The following VILL variants were observed in gnomAD, a reference collection of about 807,000 sequenced individuals.
VILL encodes the protein villin-like protein.
Under a neutral mutation model 106.3 loss-of-function variants are expected in VILL, and 102 were observed. The observed-to-expected ratio is 0.96, with a 90% CI of 0.82 to 1.13. The LOEUF is 1.13. Among genes scored for constraint, VILL ranks in the 50% most tolerant of loss-of-function variants. VILL has a pLI of 0.00. For missense variants in VILL, 1,076 were observed against 1,116.6 expected, an observed-to-expected ratio of 0.96 and a Z score of 0.52; for synonymous variants, 431 against 440.3, an observed-to-expected ratio of 0.98 and a Z score of 0.27.
chr3:37,997,174 C>T lies in VILL; in HGVS notation c.548C>T (p.Ser183Phe). The T allele has an allele frequency of 6.2e-7, 1 of 1,614,146 alleles. No homozygotes were observed. The highest frequency in any genetic ancestry group is 8.5e-7 in the Non-Finnish European group (1 of 1,180,018). Residue 183 changes from serine (S) to phenylalanine (F), a missense_variant, in exon 6 of 20, where the codon TCT (serine) becomes TTT (phenylalanine). Coordinates refer to ENST00000383759, the MANE Select transcript of VILL (RefSeq NM_015873.4). This position sits in a 1 kb window ranked among gnomAD's most constrained non-coding sequence, Gnocchi z 4.7. ...IQWNGPKTSI[S>F]EKARGLALTY... is the part of the protein sequence containing the mutation. ...TGGAATGGGCCCAAGACCAGCATTTCTGAGAAGGCTCGGGTCAGTGTCTGC... is the reference window on the plus strand; with the variant it reads ...TGGAATGGGCCCAAGACCAGCATTTTTGAGAAGGCTCGGGTCAGTGTCTGC...
At chr3:37,993,555 C>T (rs1467974165) in intron 1 of VILL, 32 bp from the exon 2 acceptor site, 11 of 850,602 alleles carry the variant, frequency 1.3e-5, no homozygotes, top group Non-Finnish European at 2.0e-5. Context: ...TTTACAGAGC[C>T]CTCCTAATAA....
chr3:38,001,302 G>T, intron 11 of VILL, 154 bp from the exon 12 acceptor site: 1 of 1,147,044 alleles, frequency 8.7e-7, no homozygotes, highest in African/African-American at 1.6e-5. Flanking sequence ...CCCAGCACAA[G>T]GCCCAGAATG....
chr3:37,988,142 G>A (rs1454953239), upstream of VILL: 1 of 152,314 alleles, frequency 6.6e-6, no homozygotes, highest in Non-Finnish European at 1.5e-5. Flanking sequence ...AATATAGAGA[G>A]TGGGGCTTCC....
chr3:38,001,971 C>A (rs1699826513), intron 13 of VILL, 111 bp downstream of exon 13: 1 of 1,512,488 alleles, frequency 6.6e-7, no homozygotes, highest in African/African-American at 1.4e-5. Context: ...TGCTTATCAT[C>A]CCCTAGTTTC....
rs2125641588 is a variant in VILL, at chr3:37,990,874, C to G, written c.-87+45C>G. The G allele has an allele frequency of 6.6e-6, 1 of 152,662 alleles. No homozygotes were observed. The highest frequency in any genetic ancestry group is 1.5e-5 in the Non-Finnish European group (1 of 68,316). 9.5% of individuals were successfully genotyped at this position (152,662 alleles called of 1,614,324 possible). A position where few individuals can be genotyped will look rare whatever the true frequency, so the allele number is the denominator to read the frequency against. ...TGGGGGGCGGGGGTTTCCAGGGAAC[C>G]AGTGGGGCAGAGTGGGCTATTCAAG... On this transcript the variant is annotated intron_variant, in intron 1 of 19. Transcript: ENST00000383759. The surrounding 1 kb of genome is among the most constrained non-coding windows in gnomAD (Gnocchi z 5.1).
upstream of VILL, among the ~76,000 whole-genome samples, chr3:37,990,400 A>G (rs551196022): frequency 1.3e-5 from 2 of 152,220 alleles, no homozygotes; most frequent in African/African-American, 2.4e-5. The surrounding 1 kb of genome is among the most constrained non-coding windows in gnomAD (Gnocchi z 5.1). Context: ...ACTTCCTCCT[A>G]AAGTTTGCTG....
Position 37,994,363 on chromosome 3 carries a change from C to T in VILL, c.238C>T (p.Gln80Ter). Reference protein sequence around the residue: ...AEAQGAAEAFQQRLQDELGGQ... With the variant: ...AEAQGAAEAF ...AGCGCAGGGCGCTGCGGAGGCCTTC[C>T]AGCAGCGCCTACAGGACGAGCTGGG... Residue 80 changes from glutamine to a stop codon, truncating the protein, a stop_gained, in exon 4 of 20, where the codon CAG becomes TAG. Transcript: ENST00000383759. LOFTEE classifies it high-confidence loss of function. The T allele has an allele frequency of 6.2e-7, 1 of 1,611,974 alleles. No homozygotes were observed. Among genetic ancestry groups the T allele is most frequent in the South Asian group, 1.1e-5 (1 of 91,054 alleles).
At chr3:38,002,935 C>G in intron 14 of VILL, 1 of 558,360 alleles carries the variant, frequency 1.8e-6, no homozygotes, top group Non-Finnish European at 3.1e-6. Flanking sequence ...GCCTGGGGGC[C>G]TCCTATCCCA....
Position 37,995,775 on chromosome 3 carries a change from T to C in VILL, c.378T>C (p.His126=), listed in dbSNP as rs1223110177. 1 of 1,613,908 alleles carries C rather than the reference T, an allele frequency of 6.2e-7. No homozygotes were observed. The highest frequency in any genetic ancestry group is 8.5e-7 in the Non-Finnish European group (1 of 1,179,922). Residue 126 remains histidine (H), a synonymous_variant, in exon 5 of 20, where the codon CAT becomes CAC. Transcript: ENST00000383759. ...RKGGLASDLK[H]VETNLFNIQR... is the part of the protein sequence containing the mutation. ...GAGGCCTAGCATCTGACCTCAAGCA[T>C]GTGGAGACCAACTTGTTCAACATCC...
Position 38,003,165 on chromosome 3 carries a change from T to G in VILL, c.1660-3T>G. 1 of 1,613,648 alleles carries G rather than the reference T, an allele frequency of 6.2e-7. No individual in the cohort carries two copies. The highest frequency in any genetic ancestry group is 8.5e-7 in the Non-Finnish European group (1 of 1,179,810). On this transcript the variant is annotated splice_polypyrimidine_tract_variant and splice_region_variant and intron_variant, in intron 14 of 19. Transcript: ENST00000383759. ...GGGCCTGAGCCATCTCTTTGCCTGC[T>G]AGGGCTGTAATGGTGATCAGCGTGA...
rs190938460 is a variant in VILL, at chr3:38,001,161, C to T, written c.1183-295C>T. The T allele has an allele frequency of 5.2e-3, 2,849 of 545,912 alleles. 12 individuals carry two copies. Among genetic ancestry groups the T allele is most frequent in the Middle Eastern group, 8.5e-3 (30 of 3,518 alleles). 33.8% of individuals were successfully genotyped at this position (545,912 alleles called of 1,614,324 possible). A position where few individuals can be genotyped will look rare whatever the true frequency, so the allele number is the denominator to read the frequency against. On this transcript the variant is annotated intron_variant, in intron 11 of 19. Coordinates refer to ENST00000383759, the MANE Select transcript of VILL (RefSeq NM_015873.4). ...GCAGCTGGGAGGGGACTGAACTGCCCCTAACCAGGGTTGTGGCTGGTGGGG... is the reference window on the plus strand; with the variant it reads ...GCAGCTGGGAGGGGACTGAACTGCCTCTAACCAGGGTTGTGGCTGGTGGGG...
Position 37,997,652 on chromosome 3 carries a change from A to G in VILL, c.731A>G (p.Asn244Ser). 1.4e-6 allele frequency: 2 copies of G among 1,383,676 alleles called. No homozygotes were observed. The highest frequency in any genetic ancestry group is 1.9e-6 in the Non-Finnish European group (2 of 1,036,180). 85.7% of individuals were successfully genotyped at this position (1,383,676 alleles called of 1,614,324 possible). Residue 244 changes from asparagine (N) to serine (S), a missense_variant, in exon 7 of 20, where the codon AAC becomes AGC. Physicochemically the swap from Asn to Ser is conservative, Grantham distance 46 (BLOSUM62 1). Transcript: ENST00000383759. The surrounding 1 kb of genome is among the most constrained non-coding windows in gnomAD (Gnocchi z 4.7). Reference sequence around the variant, plus strand: ...GCCGCCACGCCCAGCAAGGATATCAACCAGCTGCAGAAGGCCAATGTTCGC... The same window carrying G: ...GCCGCCACGCCCAGCAAGGATATCAGCCAGCTGCAGAAGGCCAATGTTCGC... Reference protein sequence around the residue: ...LRAATPSKDINQLQKANVRLY... With the variant: ...LRAATPSKDISQLQKANVRLY...
At chr3:37,995,075 G>A (rs578098392) in intron 4 of VILL, among the ~76,000 whole-genome samples, 4 of 152,304 alleles carry the variant, frequency 2.6e-5, no homozygotes, top group African/African-American at 9.6e-5. Context: ...GTTTTTGTGT[G>A]GACAAATGTT....
intron 1 of VILL, among the ~76,000 whole-genome samples, chr3:37,991,824 G>A (rs1156363247): frequency 1.3e-5 from 2 of 151,798 alleles, no homozygotes; most frequent in Admixed American, 1.3e-4. Context: ...GAGGAAAGAG[G>A]GCAGGAGGGC....
intron 13 of VILL, 176 bp downstream of exon 13, chr3:38,002,036 C>A: frequency 5.0e-6 from 5 of 1,003,070 alleles, no homozygotes; most frequent in Non-Finnish European, 7.3e-6. Context: ...CCTGAGTTTC[C>A]CTCCCCAGTC....
intron 11 of VILL, chr3:38,001,224 C>T (rs924436396): frequency 1.6e-6 from 1 of 628,110 alleles, no homozygotes; most frequent in Admixed American, 3.0e-5. Flanking sequence ...GGATTGGGCC[C>T]ATCTCCCAAG....
intron 17 of VILL, 85 bp from the exon 18 acceptor site, chr3:38,006,096 G>T (rs1423958759): frequency 1.2e-6 from 2 of 1,605,596 alleles, no homozygotes; most frequent in Non-Finnish European, 1.7e-6. Flanking sequence ...GAGAGACCTG[G>T]TCTTGTCCTC....
At position 38,001,860 on chromosome 3, in the gene VILL, G is replaced by A; in HGVS notation, c.1479G>A (p.Gln493=). The A allele has an allele frequency of 6.2e-7, 1 of 1,614,226 alleles. No individual in the cohort carries two copies. The highest frequency in any genetic ancestry group is 8.5e-7 in the Non-Finnish European group (1 of 1,180,022). The change falls in exon 13 of 20, where the codon CAG becomes CAA. Residue 493 remains glutamine, a splice_region_variant and synonymous_variant. Coordinates refer to ENST00000383759, the MANE Select transcript of VILL (RefSeq NM_015873.4). ...TCCAGGGCCAGCTGGTGATCTTCCA[G>A]GTAGGTCTCACCTTGCCACTCTGGC... is the stretch of plus-strand genomic sequence containing the variant. ...AIFQGQLVIF[Q]ERAGHHGKGQ...
chr3:37,993,861 G>C, intron 2 of VILL, 37 bp from the exon 3 acceptor site: 2 of 1,612,998 alleles, frequency 1.2e-6, no homozygotes, highest in Non-Finnish European at 1.7e-6. Context: ...ATGGGTAGAG[G>C]CCTCCTGAGT....
Sources: gnomAD v4.1 joint callset for allele counts (sites outside exome capture counted in the v4.1 genomes callset) on GRCh38, gnomAD v4.1.1 for gene constraint, Gnocchi (gnomAD v3.1) non-coding constraint, MANE v1.5 for transcripts, NCBI Gene and HGNC (gene_info 2026-07-23, HGNC 2026-07-21) for gene names.